The following IDH3A variants were observed in gnomAD, a reference collection of about 807,000 sequenced individuals.
The protein encoded by IDH3A is isocitrate dehydrogenase (NAD(+)) 3 catalytic subunit alpha, also known as isocitrate dehydrogenase [NAD] subunit alpha, mitochondrial.
A neutral mutation model predicts 43.3 loss-of-function variants in IDH3A; 23 were observed. The ratio of observed to expected loss-of-function variants is 0.53; its 90% CI spans 0.38 to 0.75. The LOEUF (loss-of-function observed/expected upper bound fraction) is 0.75. IDH3A is among the 30% of genes least tolerant of loss of function. The pLI, the probability that IDH3A is intolerant of heterozygous loss-of-function variation, is 0.00. For synonymous variants in IDH3A, 154 were observed against 163.5 expected (o/e 0.94, Z 0.44); for missense variants, 329 against 474.4 (o/e 0.69, Z 2.85).
rs774208484 is a variant in IDH3A at position 78,161,609 on chromosome 15, T to C, written c.318T>C (p.Gly106=). 1 of 1,613,966 alleles carries C rather than the reference T, an allele frequency of 6.2e-7. No homozygotes were observed. Among genetic ancestry groups the C allele is most frequent in the East Asian group, 2.2e-5 (1 of 44,888 alleles). ...KGPLKTPIAA[G]HPSMNLLLRK... is the part of the protein sequence containing the mutation. ...CTTTGAAGACCCCAATAGCAGCCGG[T>C]CACCCATCTATGAATTTACTGCTGC... Residue 106 remains glycine, a synonymous_variant, in exon 5 of 11, where the codon GGT becomes GGC. Coordinates refer to ENST00000299518, the MANE Select transcript of IDH3A (RefSeq NM_005530.3). The surrounding 1 kb of genome is among the most constrained non-coding windows in gnomAD (Gnocchi z 4.8).
At chr15:78,163,021 T>C (rs2074700559) in intron 6 of IDH3A, among the ~76,000 whole-genome samples, 1 of 152,196 alleles carries the variant, frequency 6.6e-6, no homozygotes, top group Non-Finnish European at 1.5e-5. Flanking sequence ...GCGTACGTTT[T>C]AGAAGTGGAA....
intron 3 of IDH3A, among the ~76,000 whole-genome samples, chr15:78,158,545 C>T (rs532100623): frequency 2.3e-5 from 3 of 131,238 alleles, no homozygotes; most frequent in Non-Finnish European, 3.1e-5. Flanking sequence ...GGAGCAATCT[C>T]GGCTCACTGC....
intron 10 of IDH3A, 23 bp from the exon 11 acceptor site, chr15:78,168,899 T>C: frequency 1.3e-6 from 2 of 1,530,262 alleles, no homozygotes; most frequent in Non-Finnish European, 1.8e-6. Context: ...ACATCTTTTA[T>C]TTTTGCTTTT....
chr15:78,154,194 A>C (rs2074605177), intron 1 of IDH3A, among the ~76,000 whole-genome samples: 1 of 150,728 alleles, frequency 6.6e-6, no homozygotes, highest in Non-Finnish European at 1.5e-5. Context: ...GAGAGAAAAA[A>C]AAAAAAAAAC....
chr15:78,159,839 A>G (rs774709936), intron 3 of IDH3A: 110 of 358,072 alleles, frequency 3.1e-4, no homozygotes, highest in Middle Eastern at 8.7e-4. Context: ...AAAAAAATAC[A>G]AAAAAATTAG....
intron 1 of IDH3A, chr15:78,154,436 A>C (rs1187015252): frequency 6.6e-6 from 1 of 152,220 alleles, no homozygotes; most frequent in Admixed American, 6.5e-5. Context: ...TATTCACAGA[A>C]TAGATATAAT....
At chr15:78,167,542 T>C (rs887894775) in intron 10 of IDH3A, 4 of 152,244 alleles carry the variant, frequency 2.6e-5, no homozygotes, top group Non-Finnish European at 5.9e-5. Flanking sequence ...TAGCCGTATT[T>C]AGGTATACAG....
intron 2 of IDH3A, chr15:78,157,158 T>G (rs2074629510): frequency 9.0e-7 from 1 of 1,113,056 alleles, no homozygotes; most frequent in Admixed American, 4.6e-5. Context: ...ACCGTCTAAA[T>G]TTTAGTGAGA....
At chr15:78,151,870 G>A (rs1942736334) in intron 1 of IDH3A, among the ~76,000 whole-genome samples, 1 of 152,016 alleles carries the variant, frequency 6.6e-6, no homozygotes, top group Non-Finnish European at 1.5e-5. Context: ...ATGAAGCTGG[G>A]ACTACTGGTG....
intron 6 of IDH3A, among the ~76,000 whole-genome samples, chr15:78,162,621 C>T (rs576376191): frequency 1.3e-5 from 2 of 148,834 alleles, no homozygotes; most frequent in South Asian, 4.3e-4. Context: ...TCTTGGCTCA[C>T]TGCAACCTCC....
At chr15:78,157,764 C>A in intron 3 of IDH3A, 133 bp downstream of exon 3, 1 of 599,448 alleles carries the variant, frequency 1.7e-6, no homozygotes, top group Admixed American at 3.2e-5. Flanking sequence ...TTAATCTCCA[C>A]CGATTGTCAC....
chr15:78,160,664 A>G (rs560448619), intron 4 of IDH3A, among the ~76,000 whole-genome samples: 1 of 152,016 alleles, frequency 6.6e-6, no homozygotes, highest in African/African-American at 2.4e-5. Context: ...TAATTTTTTA[A>G]AAAGTTTTTT....
In IDH3A at chr15:78,163,619, T is replaced by C. The variant is rs774465547; in HGVS notation, c.714+10T>C. Reference sequence around the variant, plus strand: ...TACAGTATGTTTGAATGTAAGTATATATTCACACTTACCTGCTACTTTTTA... The same window carrying C: ...TACAGTATGTTTGAATGTAAGTATACATTCACACTTACCTGCTACTTTTTA... On this transcript the variant is annotated intron_variant, in intron 7 of 10. Coordinates refer to ENST00000299518, the MANE Select transcript of IDH3A (RefSeq NM_005530.3). 1 of 1,547,484 alleles carries C rather than the reference T, an allele frequency of 6.5e-7. No homozygotes were observed. Among genetic ancestry groups the C allele is most frequent in the South Asian group, 1.1e-5 (1 of 89,552 alleles).
intron 1 of IDH3A, chr15:78,154,858 G>C (rs572412059): frequency 5.8e-6 from 1 of 172,350 alleles, no homozygotes; most frequent in South Asian, 1.9e-4. Context: ...TAAATTGACC[G>C]AATGGTCAAG....
chr15:78,154,880 A>C (rs758769158), intron 1 of IDH3A: 1 of 191,634 alleles, frequency 5.2e-6, no homozygotes. Flanking sequence ...ATGTTGGCAC[A>C]AAATGATCCA....
intron 10 of IDH3A, 108 bp downstream of exon 10, chr15:78,166,410 CATTTG>C: frequency 8.9e-7 from 1 of 1,122,970 alleles, no homozygotes; most frequent in Non-Finnish European, 1.3e-6. Context: ...CGGGCCCAAG[CATTTG>C]ATGTTGAACA....
Position 78,168,904 on chromosome 15 carries a change from G to T in IDH3A, c.1018-18G>T. 6.5e-7 allele frequency: 1 copy of T among 1,543,744 alleles called. No individual in the cohort carries two copies. ...GTTTGCGGATACATCTTTTATTTTT[G>T]CTTTTTCCTTTTCTCAGAGCTTGAC... is the stretch of plus-strand genomic sequence containing the variant. On this transcript the variant is annotated intron_variant, in intron 10 of 10. Transcript: ENST00000299518.
At chr15:78,156,227 ATTATT>A (rs1302588504) in intron 2 of IDH3A, among the ~76,000 whole-genome samples, 1 of 152,214 alleles carries the variant, frequency 6.6e-6, no homozygotes, top group African/African-American at 2.4e-5. Flanking sequence ...GCTCTCTGCT[ATTATT>A]TAATTTTCAG....
chr15:78,167,249 A>T (rs1443705863), intron 10 of IDH3A, among the ~76,000 whole-genome samples: 1 of 152,254 alleles, frequency 6.6e-6, no homozygotes, highest in Non-Finnish European at 1.5e-5. Flanking sequence ...TTTGAAGTAG[A>T]TGCTATAATT....
Sources: gnomAD v4.1 joint callset for allele counts (sites outside exome capture counted in the v4.1 genomes callset) on GRCh38, gnomAD v4.1.1 for gene constraint, Gnocchi (gnomAD v3.1) non-coding constraint, MANE v1.5 for transcripts, NCBI Gene and HGNC (gene_info 2026-07-23, HGNC 2026-07-21) for gene names.